The following UNC5A variants were observed in gnomAD, a reference collection of about 807,000 sequenced individuals.
UNC5A encodes unc-5 netrin receptor A.
Under a neutral mutation model 87.4 loss-of-function variants are expected in UNC5A, and 20 were observed. That is an observed-to-expected ratio of 0.23 (90% CI 0.16 to 0.33). The LOEUF (loss-of-function observed/expected upper bound fraction) is 0.33, where lower values mean the gene tolerates loss of function less well. Ranked by LOEUF, UNC5A falls within the 10% of genes least tolerant of loss-of-function variation. UNC5A has a pLI of 1.00. For synonymous variants in UNC5A, 438 were observed against 482.3 expected (o/e 0.91, Z 1.20); for missense variants, 844 against 1,133.4 (o/e 0.74, Z 3.67).
intron 1 of UNC5A, among the ~76,000 whole-genome samples, chr5:176,849,670 G>A (rs913982813): frequency 6.6e-6 from 1 of 151,478 alleles, no homozygotes; most frequent in Non-Finnish European, 1.5e-5. Flanking sequence ...AGCCCCTGAA[G>A]GCACTGAACT....
intron 14 of UNC5A, 84 bp downstream of exon 14, chr5:176,879,572 C>G: frequency 6.5e-7 from 1 of 1,543,592 alleles, no homozygotes. Context: ...GGACAGGAGG[C>G]CCTGTGGGGC....
chr5:176,863,180 G>A (rs547271288), intron 2 of UNC5A, among the ~76,000 whole-genome samples: 3 of 152,378 alleles, frequency 2.0e-5, no homozygotes, highest in African/African-American at 7.2e-5. Flanking sequence ...GCAGACAGCG[G>A]GGTGACCTCT....
rs1321560854 is a variant in UNC5A at position 176,869,001 on chromosome 5, C to A, written c.721+37C>A. Reference sequence around the variant, plus strand: ...GACTCCCTGGTCACAGGGAGAGGCACTGCGGTGCCCCTGGGCAGTGACATG... The same window carrying A: ...GACTCCCTGGTCACAGGGAGAGGCAATGCGGTGCCCCTGGGCAGTGACATG... On this transcript the variant is annotated intron_variant, in intron 5 of 14. Transcript: ENST00000329542. This position sits in a 1 kb window ranked among gnomAD's most constrained non-coding sequence, Gnocchi z 9.1. The A allele has an allele frequency of 1.3e-6, 2 of 1,560,936 alleles. No individual in the cohort carries two copies. Among genetic ancestry groups the A allele is most frequent in the African/African-American group, 2.7e-5 (2 of 73,838 alleles).
intron 1 of UNC5A, among the ~76,000 whole-genome samples, chr5:176,835,729 A>ATGGG (rs146993632): frequency 2.8e-5 from 4 of 145,400 alleles, no homozygotes; most frequent in East Asian, 4.0e-4. Context: ...TTGATAAAGG[A>ATGGG]TGTGTGTGTG....
Position 176,879,765 on chromosome 5 carries a change from T to A in UNC5A, c.2408T>A (p.Ile803Asn). The change falls in exon 15 of 15, where the codon ATC (isoleucine) becomes AAC (asparagine). Residue 803 changes from isoleucine (I) to asparagine (N), a missense_variant. Ile to Asn is a moderately radical substitution (Grantham distance 149, BLOSUM62 -3). Around this residue, in one of 3 missense-constraint regions of UNC5A, gnomAD observed 177 missense variants for 279.4 expected, o/e 0.63. Transcript: ENST00000329542. ...TCCAAGCCCAGCCCCACAGCCATGA[T>A]CCTCAACCTGTGGGAGGCGCGGCAC... ...FASKPSPTAMILNLWEARHFP... is the reference protein window; with the variant it reads ...FASKPSPTAMNLNLWEARHFP... 6.2e-7 allele frequency: 1 copy of A among 1,613,416 alleles called. No homozygotes were observed. The highest frequency in any genetic ancestry group is 8.5e-7 in the Non-Finnish European group (1 of 1,179,856).
chr5:176,841,209 A>G lies in UNC5A; in HGVS notation c.71-21415A>G, dbSNP rs1757268646. Among the ~76,000 whole-genome samples, 1 of 152,148 alleles carries G rather than the reference A, an allele frequency of 6.6e-6. No individual in the cohort carries two copies. The highest frequency in any genetic ancestry group is 2.4e-5 in the African/African-American group (1 of 41,432). On this transcript the variant is annotated intron_variant, in intron 1 of 14. Coordinates refer to ENST00000329542, the MANE Select transcript of UNC5A (RefSeq NM_133369.3). The surrounding 1 kb of genome is among the most constrained non-coding windows in gnomAD (Gnocchi z 4.1). Reference sequence around the variant, plus strand: ...CAGGGGGCACCAGATGTCTGTTCTAATTTATTTCCTTTGAGCCACAGAGCT... The same window carrying G: ...CAGGGGGCACCAGATGTCTGTTCTAGTTTATTTCCTTTGAGCCACAGAGCT...
At chr5:176,859,163 GTCCTTGCTAGAGGGCATGGCTGCTAGA>G in intron 1 of UNC5A, among the ~76,000 whole-genome samples, 1 of 98,392 alleles carries the variant, frequency 1.0e-5, no homozygotes, top group African/African-American at 5.1e-5. Context: ...CTGCTACAAT[GTCCTTGCTAGAGGGCATGGCTGCTAGA>G]ATGCCCTTGC....
Position 176,879,837 on chromosome 5 carries a change from T to C in UNC5A, c.2480T>C (p.Leu827Pro). ...LSQLAAAVAG[L>P]GQPDAGLFTV... is the part of the protein sequence containing the mutation. ...CAGCTGGCTGCAGCAGTGGCTGGACTGGGCCAGCCAGACGCTGGCCTCTTC... is the reference window on the plus strand; with the variant it reads ...CAGCTGGCTGCAGCAGTGGCTGGACCGGGCCAGCCAGACGCTGGCCTCTTC... Residue 827 changes from leucine (L) to proline (P), a missense_variant, in exon 15 of 15, where the codon CTG (leucine) becomes CCG (proline). This residue lies in a region of UNC5A where 177 missense variants were observed against 279.4 expected (regional missense o/e 0.63). Transcript: ENST00000329542. 1 of 1,612,342 alleles carries C rather than the reference T, an allele frequency of 6.2e-7. No homozygotes were observed. Among genetic ancestry groups the C allele is most frequent in the East Asian group, 2.2e-5 (1 of 44,852 alleles).
At chr5:176,837,075 C>T (rs1757164809) in intron 1 of UNC5A, among the ~76,000 whole-genome samples, 1 of 152,216 alleles carries the variant, frequency 6.6e-6, no homozygotes, top group South Asian at 2.1e-4. Context: ...TTCCCTCTCA[C>T]CAGACTCACT....
intron 1 of UNC5A, among the ~76,000 whole-genome samples, chr5:176,859,176 G>A (rs1447915503): frequency 1.2e-5 from 1 of 81,556 alleles, no homozygotes; most frequent in East Asian, 2.7e-4. Context: ...CTTGCTAGAG[G>A]GCATGGCTGC....
In UNC5A at chr5:176,878,377, T is replaced by A; in HGVS notation, c.2003T>A (p.Leu668His). The A allele has an allele frequency of 6.2e-7, 1 of 1,613,550 alleles. No homozygotes were observed. The highest frequency in any genetic ancestry group is 8.5e-7 in the Non-Finnish European group (1 of 1,179,986). The change falls in exon 12 of 15, where the codon CTC (leucine) becomes CAC (histidine). Residue 668 changes from leucine (L) to histidine (H), a missense_variant. By Grantham distance (99) the Leu-to-His change is moderately conservative (BLOSUM62 -3). Around this residue, in one of 3 missense-constraint regions of UNC5A, gnomAD observed 177 missense variants for 279.4 expected, o/e 0.63. Transcript: ENST00000329542. Reference protein sequence around the residue: ...DVPSSLWKSKLLVSYQEIPFY... With the variant: ...DVPSSLWKSKHLVSYQEIPFY... ...CCCAGCTCCCTGTGGAAGAGTAAGC[T>A]CCTTGTCAGCTACCAGGTGAGGGCC...
At chr5:176,871,428 CG>C (rs1758109465) in intron 6 of UNC5A, among the ~76,000 whole-genome samples, 1 of 510 alleles carries the variant, frequency 2.0e-3, no homozygotes, top group Non-Finnish European at 4.4e-3. Flanking sequence ...TGCCCACACT[CG>C]CCCCACACCA....
chr5:176,835,319 G>A (rs1303229711), intron 1 of UNC5A, among the ~76,000 whole-genome samples: 1 of 152,258 alleles, frequency 6.6e-6, no homozygotes, highest in Non-Finnish European at 1.5e-5. Flanking sequence ...TGCCAGGCCT[G>A]CCTCTGTCTA....
chr5:176,843,228 A>T (rs1417291891), intron 1 of UNC5A, among the ~76,000 whole-genome samples: 1 of 152,192 alleles, frequency 6.6e-6, no homozygotes, highest in Admixed American at 6.6e-5. Flanking sequence ...ATGTGGAAAC[A>T]GCCCAGGTGA....
Position 176,877,614 on chromosome 5 carries a change from G to A in UNC5A, c.1546G>A (p.Val516Ile). ...CCCTGGCGTCCTGCTCACCCGGCCA[G>A]TCATCCTGGCTATGGACCACTGTGG... is the stretch of plus-strand genomic sequence containing the variant. Reference protein sequence around the residue: ...GPPGVLLTRPVILAMDHCGEP... With the variant: ...GPPGVLLTRPIILAMDHCGEP... Residue 516 changes from valine (V) to isoleucine (I), a missense_variant, in exon 10 of 15, where the codon GTC (valine) becomes ATC (isoleucine). Around this residue, in one of 3 missense-constraint regions of UNC5A, gnomAD observed 353 missense variants for 387.5 expected, o/e 0.91. Transcript: ENST00000329542. The A allele has an allele frequency of 6.2e-7, 1 of 1,612,586 alleles. No homozygotes were observed. The highest frequency in any genetic ancestry group is 2.2e-5 in the East Asian group (1 of 44,874).
Position 176,844,905 on chromosome 5 carries a change from G to A in UNC5A, c.71-17719G>A, listed in dbSNP as rs1291247252. Among the ~76,000 whole-genome samples the A allele has an allele frequency of 1.3e-5, 2 of 152,154 alleles. No homozygotes were observed. The highest frequency in any genetic ancestry group is 4.8e-5 in the African/African-American group (2 of 41,428). The stretch of plus-strand genomic sequence containing the variant: ...GACAGACAGCAGCAGTTCCACACTT[G>A]GGTCTGCAGCAGGGTGGGTTGGTGG... On this transcript the variant is annotated intron_variant, in intron 1 of 14. Transcript: ENST00000329542. This position sits in a 1 kb window ranked among gnomAD's most constrained non-coding sequence, Gnocchi z 4.2.
In UNC5A at chr5:176,826,680, GC is replaced by G. The variant is rs1324658338; in HGVS notation, c.70+15863del. Among the ~76,000 whole-genome samples the G allele has an allele frequency of 8.2e-5, 9 of 109,738 alleles. No individual in the cohort carries two copies. The East Asian group carries it at 2.0e-3, about 24-fold the overall frequency. 72.0% of individuals were successfully genotyped at this position (109,738 alleles called of 152,430 possible). A position where few individuals can be genotyped will look rare whatever the true frequency, so the allele number is the denominator to read the frequency against. On this transcript the variant is annotated intron_variant, in intron 1 of 14. Coordinates refer to ENST00000329542, the MANE Select transcript of UNC5A (RefSeq NM_133369.3). Reference sequence around the variant, plus strand: ...TTTTTTGAGACAGTCTTGCTCTGTTGCCCAGGCTGGAGTGCAGTGGCACGAT... The same window carrying G: ...TTTTTTGAGACAGTCTTGCTCTGTTGCCAGGCTGGAGTGCAGTGGCACGAT...
intron 1 of UNC5A, among the ~76,000 whole-genome samples, chr5:176,811,344 C>T (rs1561633875): frequency 6.6e-6 from 1 of 152,222 alleles, no homozygotes; most frequent in Non-Finnish European, 1.5e-5. Flanking sequence ...GCCACACACG[C>T]TCTCACACGC....
At chr5:176,819,715 A>C (rs1345073711) in intron 1 of UNC5A, among the ~76,000 whole-genome samples, 1 of 152,224 alleles carries the variant, frequency 6.6e-6, no homozygotes, top group Admixed American at 6.5e-5. Context: ...GCCAATCACC[A>C]TAGACAAGGG....
Sources: gnomAD v4.1 joint callset for allele counts (sites outside exome capture counted in the v4.1 genomes callset) on GRCh38, gnomAD v4.1.1 for gene constraint, gnomAD v4.1.1 regional missense constraint, Gnocchi (gnomAD v3.1) non-coding constraint, MANE v1.5 for transcripts, NCBI Gene and HGNC (gene_info 2026-07-23, HGNC 2026-07-21) for gene names.